The following ACSL4 variants were observed in gnomAD, a reference collection of about 807,000 sequenced individuals.
ACSL4 encodes the protein long-chain-fatty-acid--CoA ligase 4.
Under a neutral mutation model 49.1 loss-of-function variants are expected in ACSL4, and 9 were observed. The observed-to-expected ratio is 0.18, with a 90% CI of 0.11 to 0.32. The LOEUF (loss-of-function observed/expected upper bound fraction) is 0.32, where lower values mean the gene tolerates loss of function less well. Ranked by LOEUF, ACSL4 falls within the 10% of genes least tolerant of loss-of-function variation. The pLI, the probability that ACSL4 is intolerant of heterozygous loss-of-function variation, is 1.00. For missense variants in ACSL4, 333 were observed against 493.7 expected, an observed-to-expected ratio of 0.67 and a Z score of 3.08; for synonymous variants, 191 against 170.3, an observed-to-expected ratio of 1.12 and a Z score of -0.95.
chrX:109,672,079 TAAAAAAAA>T (rs764711316), intron 9 of ACSL4, among the ~76,000 whole-genome samples: 2 of 37,389 alleles, frequency 5.3e-5, no homozygotes, highest in African/African-American at 1.1e-4. Flanking sequence ...CAATAAATAC[TAAAAAAAA>T]AAAAAAAAAA....
Position 109,717,971 on chromosome X carries a change from G to A in ACSL4, c.-66+15168C>T, listed in dbSNP as rs535287072. ...CAAAAGGCTGGATAACCATGGTTGAGAGGATCATCCCACAGAACTGTTTTA... is the reference window on the plus strand; with the variant it reads ...CAAAAGGCTGGATAACCATGGTTGAAAGGATCATCCCACAGAACTGTTTTA... On this transcript the variant is annotated intron_variant, in intron 1 of 15. Transcript: ENST00000672401. Among the ~76,000 whole-genome samples the A allele has an allele frequency of 3.6e-5, 4 of 111,803 alleles. No homozygotes were observed. The South Asian group carries it at 1.5e-3, about 42-fold the overall frequency.
chrX:109,700,538 T>TAA (rs562313936), intron 1 of ACSL4, among the ~76,000 whole-genome samples: 2 of 51,148 alleles, frequency 3.9e-5, no homozygotes, highest in Admixed American at 2.1e-4. Flanking sequence ...CTCTGTCTCA[T>TAA]AAAAAAAAAA....
At chrX:109,659,611 T>G in intron 14 of ACSL4, 100 bp from the exon 15 acceptor site, 1 of 536,176 alleles carries the variant, frequency 1.9e-6, no homozygotes, top group South Asian at 3.1e-5. Context: ...CAAATATATA[T>G]TTCTCTTATT....
chrX:109,666,924 A>C (rs1316198496), intron 11 of ACSL4, among the ~76,000 whole-genome samples: 1 of 111,785 alleles, frequency 8.9e-6, no homozygotes, highest in Non-Finnish European at 1.9e-5. Context: ...CAAAAATAAA[A>C]AGGCTGTTAG....
chrX:109,672,898 G>C (rs181004899), intron 9 of ACSL4, among the ~76,000 whole-genome samples: 1 of 110,707 alleles, frequency 9.0e-6, no homozygotes. Context: ...CAGGAAAGGA[G>C]CAAAGGTAAT....
chrX:109,682,236 G>A (rs1924222003), intron 4 of ACSL4, among the ~76,000 whole-genome samples: 1 of 110,947 alleles, frequency 9.0e-6, no homozygotes, highest in Non-Finnish European at 1.9e-5. Context: ...ACAAATGCTT[G>A]AGTATTAGAA....
At chrX:109,673,478 A>G (rs1469305617) in intron 9 of ACSL4, among the ~76,000 whole-genome samples, 1 of 112,570 alleles carries the variant, frequency 8.9e-6, no homozygotes, top group East Asian at 2.8e-4. Context: ...TTATGGTTTT[A>G]GTCAGATGCC....
intron 15 of ACSL4, among the ~76,000 whole-genome samples, chrX:109,657,865 C>A (rs1921821600): frequency 9.0e-6 from 1 of 111,587 alleles, no homozygotes; most frequent in South Asian, 3.7e-4. Flanking sequence ...TTCTCCATAT[C>A]CTCTCCAGCA....
chrX:109,719,907 C>T (rs753289249), intron 1 of ACSL4, among the ~76,000 whole-genome samples: 7 of 111,513 alleles, frequency 6.3e-5, no homozygotes, highest in African/African-American at 6.5e-5. Flanking sequence ...GCAAGAGAAT[C>T]GCTTGAACCC....
At chrX:109,681,445 G>T in intron 4 of ACSL4, 70 bp from the exon 5 acceptor site, 1 of 740,608 alleles carries the variant, frequency 1.4e-6, no homozygotes, top group South Asian at 2.4e-5. Context: ...ATTGAAGTCA[G>T]TCTTTAATAA....
intron 1 of ACSL4, among the ~76,000 whole-genome samples, chrX:109,722,509 C>T (rs1163756697): frequency 9.0e-6 from 1 of 111,583 alleles, no homozygotes; most frequent in Non-Finnish European, 1.9e-5. Flanking sequence ...TAATTCTTCG[C>T]TAAAATCAAA....
At chrX:109,661,421 G>T in intron 14 of ACSL4, 110 bp downstream of exon 14, 1 of 565,129 alleles carries the variant, frequency 1.8e-6, no homozygotes, top group Non-Finnish European at 3.0e-6. Context: ...CCCCAGATCT[G>T]ATGAAAATTC....
chrX:109,700,726 A>G (rs1279528293), intron 1 of ACSL4, among the ~76,000 whole-genome samples: 6 of 111,107 alleles, frequency 5.4e-5, no homozygotes, highest in African/African-American at 2.0e-4. Flanking sequence ...TGGAAAAGTT[A>G]GATAACTTTT....
intron 2 of ACSL4, among the ~76,000 whole-genome samples, chrX:109,688,569 T>C (rs952503108): frequency 1.8e-5 from 2 of 111,567 alleles, no homozygotes; most frequent in East Asian, 2.8e-4. Context: ...TTCTCTCCTA[T>C]TTTCTCTTGA....
At position 109,659,363 on chromosome X, in the gene ACSL4, C is replaced by A. The variant is rs1270765448; in HGVS notation, c.1846G>T (p.Ala616Ser). ...AEILKEIREA[A>S]NAMKLERFEI... ...GCAATTTCTTACTTACTGGCATTTGCAGCTTCTCGAATTTCTTTCAGTATT... is the reference window on the plus strand; with the variant it reads ...GCAATTTCTTACTTACTGGCATTTGAAGCTTCTCGAATTTCTTTCAGTATT... Residue 616 changes from alanine to serine, a missense_variant, in exon 15 of 16, where the codon GCA becomes TCA. By Grantham distance (99) the Ala-to-Ser change is moderately conservative. Coordinates refer to ENST00000672401, the MANE Select transcript of ACSL4 (RefSeq NM_001318510.2). 2.5e-6 allele frequency: 3 copies of A among 1,209,275 alleles called. No homozygotes were observed. The highest frequency in any genetic ancestry group is 4.4e-5 in the Admixed American group (2 of 45,924).
intron 1 of ACSL4, among the ~76,000 whole-genome samples, chrX:109,700,185 G>C (rs1177164400): frequency 1.0e-5 from 1 of 95,299 alleles, no homozygotes; most frequent in Non-Finnish European, 2.1e-5. Context: ...TCCAGCCTGG[G>C]CGACTGAGTG....
intron 1 of ACSL4, among the ~76,000 whole-genome samples, chrX:109,730,720 G>A (rs1372997808): frequency 8.9e-6 from 1 of 112,591 alleles, no homozygotes; most frequent in Non-Finnish European, 1.9e-5. Flanking sequence ...GTATGTGAGT[G>A]CGGTGGCGCG....
At chrX:109,663,437 A>G (rs1241698861) in intron 12 of ACSL4, 35 bp from the exon 13 acceptor site, 2 of 1,135,797 alleles carry the variant, frequency 1.8e-6, no homozygotes, top group African/African-American at 1.8e-5. Context: ...TTATTGTTCT[A>G]CAACAAATTT....
At chrX:109,680,940 C>G in intron 6 of ACSL4, 58 bp downstream of exon 6, 3 of 1,150,053 alleles carry the variant, frequency 2.6e-6, no homozygotes, top group Non-Finnish European at 3.6e-6. Flanking sequence ...TTTCCCTAAC[C>G]TACCAAAATA....
Sources: allele counts gnomAD v4.1 joint callset (sites outside exome capture counted in the v4.1 genomes callset), GRCh38; gene constraint gnomAD v4.1.1; transcripts MANE v1.5; gene names NCBI Gene and HGNC (gene_info 2026-07-23, HGNC 2026-07-21).